The following FGFR4 variants were observed in gnomAD, a reference collection of about 807,000 sequenced individuals.
The protein encoded by FGFR4 is fibroblast growth factor receptor 4.
Under a neutral mutation model 89.9 loss-of-function variants are expected in FGFR4, and 63 were observed. That is an observed-to-expected ratio of 0.70 (90% CI 0.57 to 0.86). FGFR4 has a LOEUF of 0.86. Among genes scored for constraint, FGFR4 ranks in the 40% least tolerant of loss-of-function variants. FGFR4 has a pLI of 0.00. For missense variants in FGFR4, 928 were observed against 1,106.7 expected (o/e 0.84, Z 2.29); for synonymous variants, 486 against 479.4 (o/e 1.01, Z -0.18).
chr5:177,097,720 G>A lies in FGFR4; in HGVS notation c.*44G>A. ...CAGGCACATAGGCTGGTGGCCTTGG[G>A]CCTTGGGGCTCAGCCACAGCCTGAC... On this transcript the variant is annotated 3_prime_UTR_variant, in exon 18 of 18. Coordinates refer to ENST00000292408, the MANE Select transcript of FGFR4 (RefSeq NM_213647.3). 1.9e-6 allele frequency: 3 copies of A among 1,595,030 alleles called. No homozygotes were observed. The highest frequency in any genetic ancestry group is 2.6e-6 in the Non-Finnish European group (3 of 1,169,584).
chr5:177,096,735 C>G lies in FGFR4; in HGVS notation c.2147C>G (p.Pro716Arg), dbSNP rs146533162. 1.9e-6 allele frequency: 3 copies of G among 1,578,284 alleles called. No homozygotes were observed. Among genetic ancestry groups the G allele is most frequent in the Non-Finnish European group, 2.6e-6 (3 of 1,161,794 alleles). Residue 716 changes from proline to arginine, a missense_variant, in exon 16 of 18, where the codon CCA becomes CGA. Transcript: ENST00000292408. ...HRMDRPPHCP[P>R]ELYGLMRECW... ...ATGGACCGACCCCCACACTGCCCCC[C>G]AGAGCTGTGAGGCCTCACCCTGCCC...
In FGFR4 at chr5:177,087,521, C is replaced by A; in HGVS notation, c.-54+444C>A. On this transcript the variant is annotated intron_variant, in intron 1 of 17. Transcript: ENST00000292408. The surrounding 1 kb of genome is among the most constrained non-coding windows in gnomAD (Gnocchi z 6.1). ...CGAGTGCGGGAGGCTGAAGGAGAAC[C>A]CAGGACTGTCTGATGCCTAAGGCAG... 2 of 955,880 alleles carry A rather than the reference C, an allele frequency of 2.1e-6. No homozygotes were observed. The highest frequency in any genetic ancestry group is 2.5e-6 in the Non-Finnish European group (2 of 803,106). The allele number at this position is 955,880 out of a possible 1,614,324, so 59.2% of individuals were successfully genotyped here.
rs1017980214 is a variant in FGFR4 at position 177,087,530 on chromosome 5, T to G, written c.-54+453T>G. Reference sequence around the variant, plus strand: ...GAGGCTGAAGGAGAACCCAGGACTGTCTGATGCCTAAGGCAGGCCCTCCAT... The same window carrying G: ...GAGGCTGAAGGAGAACCCAGGACTGGCTGATGCCTAAGGCAGGCCCTCCAT... On this transcript the variant is annotated intron_variant, in intron 1 of 17. Coordinates refer to ENST00000292408, the MANE Select transcript of FGFR4 (RefSeq NM_213647.3). This position sits in a 1 kb window ranked among gnomAD's most constrained non-coding sequence, Gnocchi z 6.1. 3.1e-6 allele frequency: 3 copies of G among 969,058 alleles called. No individual in the cohort carries two copies. The African/African-American group carries it at 5.3e-5, about 17-fold the overall frequency. 60.0% of individuals were successfully genotyped at this position (969,058 alleles called of 1,614,324 possible).
In FGFR4 at chr5:177,093,239, G is replaced by T. The variant is rs1375396470; in HGVS notation, c.1159G>T (p.Ala387Ser). Residue 387 changes from alanine to serine, a missense_variant, in exon 9 of 18, where the codon GCC becomes TCC. By Grantham distance (99) the Ala-to-Ser change is moderately conservative. This residue lies in a region of FGFR4 where 741 missense variants were observed against 836.9 expected (regional missense o/e 0.89). Coordinates refer to ENST00000292408, the MANE Select transcript of FGFR4 (RefSeq NM_213647.3). The surrounding 1 kb of genome is among the most constrained non-coding windows in gnomAD (Gnocchi z 5.8). ...GGCCTTGGCTGTGCTCCTGCTGCTG[G>T]CCGGGCTGTATCGAGGGCAGGCGCT... The part of the protein sequence containing the change: ...SLALAVLLLL[A>S]GLYRGQALHG... 2 of 1,612,712 alleles carry T rather than the reference G, an allele frequency of 1.2e-6. No homozygotes were observed. Among genetic ancestry groups the T allele is most frequent in the African/African-American group, 2.7e-5 (2 of 74,898 alleles).
chr5:177,093,803 C>CA lies in FGFR4; in HGVS notation c.1519+29dup. ...GAGTGTGGCCCGGTGTGGTGGCTCACACCTGTAACGCCAGCACTTTAGGAG... is the reference window on the plus strand; with the variant it reads ...GAGTGTGGCCCGGTGTGGTGGCTCACAACCTGTAACGCCAGCACTTTAGGAG... On this transcript the variant is annotated intron_variant, in intron 11 of 17. Transcript: ENST00000292408. This position sits in a 1 kb window ranked among gnomAD's most constrained non-coding sequence, Gnocchi z 5.8. 5 of 1,598,986 alleles carry CA rather than the reference C, an allele frequency of 3.1e-6. No homozygotes were observed. Among genetic ancestry groups the CA allele is most frequent in the Non-Finnish European group, 3.4e-6 (4 of 1,170,290 alleles).
rs1281025831 is a variant in FGFR4 at position 177,087,091 on chromosome 5, C to T, written c.-54+14C>T. 2.0e-5 allele frequency: 3 copies of T among 151,916 alleles called. No homozygotes were observed. The highest frequency in any genetic ancestry group is 2.9e-5 in the Non-Finnish European group (2 of 68,080). The allele number at this position is 151,916 out of a possible 1,614,324, so 9.4% of individuals were successfully genotyped here. On this transcript the variant is annotated intron_variant, in intron 1 of 17. Coordinates refer to ENST00000292408, the MANE Select transcript of FGFR4 (RefSeq NM_213647.3). This position sits in a 1 kb window ranked among gnomAD's most constrained non-coding sequence, Gnocchi z 6.1. ...CGCAGGCTCGAGGTGAGCCGGAACC[C>T]TTGTGGGCCCGGGCTGCGCTCCCAG...
intron 7 of FGFR4, 42 bp from the exon 8 acceptor site, chr5:177,092,604 C>T (rs1032215422): frequency 1.3e-6 from 2 of 1,579,832 alleles, no homozygotes; most frequent in Non-Finnish European, 8.6e-7. Flanking sequence ...ACAGTGTGGC[C>T]CCAGGCCCTG....
rs1305442592 is a variant in FGFR4, at chr5:177,097,109, T to TTCC, written c.2154-171_2154-169dup. 5.6e-4 allele frequency: 18 copies of TTCC among 32,020 alleles called. 6 individuals are homozygous for TTCC. Among genetic ancestry groups the TTCC allele is most frequent in the Non-Finnish European group, 4.0e-4 (9 of 22,624 alleles). 2.0% of individuals were successfully genotyped at this position (32,020 alleles called of 1,614,324 possible). A position where few individuals can be genotyped will look rare whatever the true frequency, so the allele number is the denominator to read the frequency against. On this transcript the variant is annotated intron_variant, in intron 16 of 17. Transcript: ENST00000292408. ...CTTCCTCCTCCTCCTCCTGCTCCTC[T>TTCC]TCCTCCTCCTCCTCTTCCTCCTCCT...
rs747373314 is a variant in FGFR4, at chr5:177,096,213, G to A, written c.1944+34G>A. On this transcript the variant is annotated intron_variant, in intron 14 of 17. Coordinates refer to ENST00000292408, the MANE Select transcript of FGFR4 (RefSeq NM_213647.3). ...GATGGGGCAGAACTGGATGGGGGTG[G>A]AGGGGCACTGGGCCCGGGGTGGCAG... 6 of 1,613,214 alleles carry A rather than the reference G, an allele frequency of 3.7e-6. No individual in the cohort carries two copies. The Admixed American group carries it at 5.0e-5, about 13-fold the overall frequency.
In FGFR4 at chr5:177,092,438, A is replaced by T; in HGVS notation, c.845A>T (p.Gln282Leu). 6.2e-7 allele frequency: 1 copy of T among 1,605,314 alleles called. No individual in the cohort carries two copies. Among genetic ancestry groups the T allele is most frequent in the Non-Finnish European group, 8.5e-7 (1 of 1,175,614 alleles). ...KVYSDAQPHI[Q>L]WLKHIVINGS... is the part of the protein sequence containing the mutation. ...TACAGCGATGCCCAGCCCCACATCC[A>T]GTGGCTGAAGCACATCGTCATCAAC... The change falls in exon 7 of 18, where the codon CAG becomes CTG. Residue 282 changes from glutamine (Q) to leucine (L), a missense_variant. Physicochemically the swap from Gln to Leu is moderately radical, Grantham distance 113. This residue lies in a region of FGFR4 where 741 missense variants were observed against 836.9 expected (regional missense o/e 0.89). Coordinates refer to ENST00000292408, the MANE Select transcript of FGFR4 (RefSeq NM_213647.3).
rs1486610998 is a variant in FGFR4, at chr5:177,092,892, TG to T, written c.1057+114del. Reference sequence around the variant, plus strand: ...CTCTGTTGGCCTGTGGGGTCTGGCCTGGGGGGCAGTGTGTGGATTTGTGGGT... The same window carrying T: ...CTCTGTTGGCCTGTGGGGTCTGGCCTGGGGGCAGTGTGTGGATTTGTGGGT... On this transcript the variant is annotated intron_variant, in intron 8 of 17. Transcript: ENST00000292408. The T allele has an allele frequency of 3.3e-6, 5 of 1,537,644 alleles. No homozygotes were observed. In the South Asian group the frequency reaches 4.6e-5, roughly 14 times the overall value.
Position 177,090,563 on chromosome 5 carries a change from G to T in FGFR4, c.265G>T (p.Ala89Ser). Residue 89 changes from alanine (A) to serine (S), a missense_variant, in exon 3 of 18, where the codon GCC (alanine) becomes TCC (serine). Ala to Ser is a moderately conservative substitution (Grantham distance 99). Around this residue, in one of 5 missense-constraint regions of FGFR4, gnomAD observed 741 missense variants for 836.9 expected, o/e 0.89. Coordinates refer to ENST00000292408, the MANE Select transcript of FGFR4 (RefSeq NM_213647.3). ...GGGCTGGAGGGGCCGCCTAGAGATT[G>T]CCAGCTTCCTACCTGAGGATGCTGG... ...VRGWRGRLEI[A>S]SFLPEDAGRY... 6.6e-7 allele frequency: 1 copy of T among 1,525,962 alleles called. No individual in the cohort carries two copies. 94.5% of individuals were successfully genotyped at this position (1,525,962 alleles called of 1,614,324 possible).
intron 5 of FGFR4, among the ~76,000 whole-genome samples, chr5:177,091,311 T>G (rs148135342): frequency 6.6e-6 from 1 of 152,174 alleles, no homozygotes; most frequent in South Asian, 2.1e-4. Context: ...CCTCAGCAAC[T>G]CCATTTGTAA....
chr5:177,094,187 G>A (rs1026415996), intron 11 of FGFR4, among the ~76,000 whole-genome samples: 8 of 152,168 alleles, frequency 5.3e-5, no homozygotes, highest in African/African-American at 1.9e-4. Context: ...CTGGAGCTGG[G>A]AGAGGCTGTG....
intron 5 of FGFR4, 57 bp from the exon 6 acceptor site, chr5:177,091,628 C>G (rs1784369022): frequency 1.2e-6 from 2 of 1,603,488 alleles, no homozygotes; most frequent in African/African-American, 1.3e-5. Flanking sequence ...CCTCCTGGTC[C>G]TCTGGCCCCC....
At chr5:177,094,102 T>G (rs1562073057) in intron 11 of FGFR4, among the ~76,000 whole-genome samples, 1 of 151,660 alleles carries the variant, frequency 6.6e-6, no homozygotes, top group Non-Finnish European at 1.5e-5. Flanking sequence ...AAATAAAAGG[T>G]GAACGTGGCA....
chr5:177,096,905 T>TTCCTCCTCC (rs879157960), intron 16 of FGFR4, among the ~76,000 whole-genome samples, 164 bp downstream of exon 16: 1 of 15,508 alleles, frequency 6.4e-5, no homozygotes, highest in African/African-American at 2.7e-4. Context: ...CCTCCTCCTC[T>TTCCTCCTCC]TCCTCCTCCT....
chr5:177,090,734 C>T lies in FGFR4; in HGVS notation c.356-11C>T. On this transcript the variant is annotated splice_polypyrimidine_tract_variant and intron_variant, in intron 3 of 17. Transcript: ENST00000292408. ...TTGGACCTTAGATGCTTCCCTCTGT[C>T]CCTGATGTAGACTCCTTGACCTCCA... 6.3e-7 allele frequency: 1 copy of T among 1,592,660 alleles called. No homozygotes were observed. Among genetic ancestry groups the T allele is most frequent in the Non-Finnish European group, 8.6e-7 (1 of 1,167,374 alleles).
chr5:177,097,672 C>T lies in FGFR4; in HGVS notation c.2405C>T (p.Thr802Ile). The T allele has an allele frequency of 6.2e-7, 1 of 1,613,824 alleles. No individual in the cohort carries two copies. The highest frequency in any genetic ancestry group is 8.5e-7 in the Non-Finnish European group (1 of 1,179,822). Residue 802 changes from threonine (T) to isoleucine (I), a missense_variant, in exon 18 of 18, where the codon ACA (threonine) becomes ATA (isoleucine). Physicochemically the swap from Thr to Ile is moderately conservative, Grantham distance 89. Transcript: ENST00000292408. ...TTCCCCTTCGGGTCTGGGGTGCAGA[C>T]ATGAGCAAGGCTCAAGGCTGTGCAG... ...SSFPFGSGVQ[T>I]
Sources: allele counts gnomAD v4.1 joint callset (sites outside exome capture counted in the v4.1 genomes callset), GRCh38; gene constraint gnomAD v4.1.1; regional missense constraint gnomAD v4.1.1; non-coding constraint Gnocchi (gnomAD v3.1); transcripts MANE v1.5; gene names NCBI Gene and HGNC (gene_info 2026-07-23, HGNC 2026-07-21).